The following TSPAN15 variants were observed in gnomAD, a reference collection of about 807,000 sequenced individuals.
TSPAN15 encodes the protein tetraspanin-15.
TSPAN15 carries 20 observed loss-of-function variants against 34.5 expected under a neutral mutation model. The observed-to-expected ratio is 0.58, with a 90% CI of 0.41 to 0.84. The LOEUF is 0.84. TSPAN15 is among the 40% of genes least tolerant of loss of function. TSPAN15 has a pLI of 0.00. For synonymous variants in TSPAN15, 155 were observed against 153.9 expected, an observed-to-expected ratio of 1.01 and a Z score of -0.05; for missense variants, 313 against 386.1, an observed-to-expected ratio of 0.81 and a Z score of 1.59.
rs367726438 is a variant in TSPAN15, at chr10:69,495,700, C to T, written c.453+11C>T. The T allele has an allele frequency of 3.9e-5, 62 of 1,604,238 alleles. No homozygotes were observed. In the African/African-American group the frequency reaches 5.9e-4, roughly 15 times the overall value. On this transcript the variant is annotated intron_variant, in intron 4 of 7. Coordinates refer to ENST00000373290, the MANE Select transcript of TSPAN15 (RefSeq NM_012339.5). ...TTTGTTCAGAAAAAGGTGAGCCAGG[C>T]GCTTTGGGGTAGAGATGCGCCTCCC...
At chr10:69,533,742 G>T in the TSPAN15 span, among the ~76,000 whole-genome samples, 1 of 152,182 alleles carries the variant, frequency 6.6e-6, no homozygotes, top group Non-Finnish European at 1.5e-5. Context: ...TAGTCAGTTG[G>T]TCAGAAGCAC....
intron 1 of TSPAN15, among the ~76,000 whole-genome samples, chr10:69,470,739 A>G (rs1432255915): frequency 6.6e-6 from 1 of 152,222 alleles, no homozygotes; most frequent in African/African-American, 2.4e-5. Flanking sequence ...AAAATAAAAA[A>G]AGATCACAGT....
the TSPAN15 span, among the ~76,000 whole-genome samples, chr10:69,541,395 C>T: frequency 1.3e-5 from 2 of 149,626 alleles, no homozygotes; most frequent in African/African-American, 2.4e-5. Context: ...TTGGTACAGG[C>T]ATTTGGTAAA....
intron 1 of TSPAN15, among the ~76,000 whole-genome samples, chr10:69,476,645 T>A (rs1318720216): frequency 7.9e-5 from 12 of 152,014 alleles, no homozygotes; most frequent in Non-Finnish European, 2.9e-5. Flanking sequence ...CCAGGTTCTC[T>A]GTACTTGATG....
intron 1 of TSPAN15, among the ~76,000 whole-genome samples, chr10:69,471,429 C>T (rs12242138): frequency 0.01 from 1,577 of 152,260 alleles, 32 homozygotes; most frequent in African/African-American, 0.036. Flanking sequence ...GGCAGCCAGA[C>T]GTTAACATTT....
chr10:69,462,906 A>G (rs1360750693), intron 1 of TSPAN15, among the ~76,000 whole-genome samples: 1 of 152,184 alleles, frequency 6.6e-6, no homozygotes, highest in Non-Finnish European at 1.5e-5. Context: ...GGAGAAGTGC[A>G]GGGGGAGTCA....
chr10:69,540,698 G>A, the TSPAN15 span, among the ~76,000 whole-genome samples: 6 of 152,166 alleles, frequency 3.9e-5, no homozygotes, highest in Middle Eastern at 3.2e-3. Flanking sequence ...TTGCATGCTG[G>A]AGGGCAGAGC....
intron 3 of TSPAN15, among the ~76,000 whole-genome samples, chr10:69,489,066 G>A (rs1005041696): frequency 3.9e-5 from 6 of 152,108 alleles, no homozygotes; most frequent in Non-Finnish European, 8.8e-5. Context: ...TATCTCAACT[G>A]CATAAGAGAG....
the TSPAN15 span, among the ~76,000 whole-genome samples, chr10:69,543,885 G>A: frequency 3.4e-5 from 5 of 148,760 alleles, no homozygotes; most frequent in African/African-American, 1.3e-4. Context: ...GTGTGTGTGT[G>A]TGTGTGTGTG....
At chr10:69,545,101 C>A in the TSPAN15 span, among the ~76,000 whole-genome samples, 1 of 152,194 alleles carries the variant, frequency 6.6e-6, no homozygotes, top group African/African-American at 2.4e-5. Flanking sequence ...CTTCTCCTGT[C>A]CTGTGGAGGC....
chr10:69,506,020 C>A lies in TSPAN15; in HGVS notation c.619-104C>A. 1.2e-6 allele frequency: 1 copy of A among 847,322 alleles called. No individual in the cohort carries two copies. The highest frequency in any genetic ancestry group is 1.9e-6 in the Non-Finnish European group (1 of 524,054). The allele number at this position is 847,322 out of a possible 1,614,324, so 52.5% of individuals were successfully genotyped here. On this transcript the variant is annotated intron_variant, in intron 6 of 7. Coordinates refer to ENST00000373290, the MANE Select transcript of TSPAN15 (RefSeq NM_012339.5). The surrounding 1 kb of genome is among the most constrained non-coding windows in gnomAD (Gnocchi z 4.7). ...GCATATGGGAAACTGAGGATCACAG[C>A]GGTTGAGGGACTAGCCTGGACCTTG...
rs1408529286 is a variant in TSPAN15, at chr10:69,455,594, TTC to T, written c.96+3906_96+3907del. 1.8e-4 allele frequency among the ~76,000 whole-genome samples: 21 copies of T among 114,450 alleles called. 3 individuals carry two copies. The highest frequency in any genetic ancestry group is 6.8e-4 in the African/African-American group (19 of 27,878). 75.1% of individuals were successfully genotyped at this position (114,450 alleles called of 152,430 possible). On this transcript the variant is annotated intron_variant, in intron 1 of 7. Coordinates refer to ENST00000373290, the MANE Select transcript of TSPAN15 (RefSeq NM_012339.5). Reference sequence around the variant, plus strand: ...TTCTCTTTTCTTTCTTTCTTTCTCTTTCTTTCTTTCTTTCTCTCTCTCTCTCT... The same window carrying T: ...TTCTCTTTTCTTTCTTTCTTTCTCTTTTTCTTTCTTTCTCTCTCTCTCTCT...
At chr10:69,496,490 G>A (rs926596509) in intron 4 of TSPAN15, among the ~76,000 whole-genome samples, 4 of 152,064 alleles carry the variant, frequency 2.6e-5, no homozygotes, top group African/African-American at 7.2e-5. Context: ...TTGGGGCGTC[G>A]TCATGAGGAT....
Position 69,507,029 on chromosome 10 carries a change from C to A in TSPAN15, c.*51C>A. The A allele has an allele frequency of 6.3e-7, 1 of 1,586,140 alleles. No individual in the cohort carries two copies. Among genetic ancestry groups the A allele is most frequent in the East Asian group, 2.3e-5 (1 of 43,882 alleles). ...ACAAGGACCGTCTGGGATAGCACCT[C>A]TCAGTCAACATCGTGGGGCTGGACA... On this transcript the variant is annotated 3_prime_UTR_variant, in exon 8 of 8. Coordinates refer to ENST00000373290, the MANE Select transcript of TSPAN15 (RefSeq NM_012339.5).
At chr10:69,517,210 C>T in the TSPAN15 span, among the ~76,000 whole-genome samples, 1 of 152,204 alleles carries the variant, frequency 6.6e-6, no homozygotes, top group African/African-American at 2.4e-5. Flanking sequence ...GTGTCTTCTC[C>T]TCCATCTGCC....
chr10:69,545,501 T>C, the TSPAN15 span, among the ~76,000 whole-genome samples: 1 of 152,098 alleles, frequency 6.6e-6, no homozygotes, highest in Non-Finnish European at 1.5e-5. Flanking sequence ...GTGAGGATGA[T>C]CTGCACAGTC....
At chr10:69,481,260 A>G (rs752885877) in intron 1 of TSPAN15, among the ~76,000 whole-genome samples, 3 of 152,180 alleles carry the variant, frequency 2.0e-5, no homozygotes, top group Non-Finnish European at 4.4e-5. Flanking sequence ...TGAGCTTGTC[A>G]GTGTCTTGAG....
chr10:69,507,279 C>T lies in TSPAN15; in HGVS notation c.*301C>T. On this transcript the variant is annotated 3_prime_UTR_variant, in exon 8 of 8. Coordinates refer to ENST00000373290, the MANE Select transcript of TSPAN15 (RefSeq NM_012339.5). ...GGGGGAGGGAGAGCCTGAGGCTCTG[C>T]TCAGGGCCCATTTCATCTCTGGCAG... The T allele has an allele frequency of 7.6e-7, 1 of 1,318,700 alleles. No individual in the cohort carries two copies. The highest frequency in any genetic ancestry group is 9.7e-7 in the Non-Finnish European group (1 of 1,028,972). The allele number at this position is 1,318,700 out of a possible 1,614,324, so 81.7% of individuals were successfully genotyped here.
intron 1 of TSPAN15, among the ~76,000 whole-genome samples, chr10:69,461,295 T>C (rs1271724818): frequency 6.6e-6 from 1 of 152,166 alleles, no homozygotes; most frequent in Non-Finnish European, 1.5e-5. Flanking sequence ...AAGGTTACTG[T>C]TGGGTTTTAA....
Sources: allele counts gnomAD v4.1 joint callset (sites outside exome capture counted in the v4.1 genomes callset), GRCh38; gene constraint gnomAD v4.1.1; non-coding constraint Gnocchi (gnomAD v3.1); transcripts MANE v1.5; gene names NCBI Gene and HGNC (gene_info 2026-07-23, HGNC 2026-07-21).